The following TSC2 variants were observed in gnomAD, a reference collection of about 807,000 sequenced individuals.
TSC2 encodes tuberin.
TSC2 carries 29 observed loss-of-function variants against 202.2 expected under a neutral mutation model. The observed-to-expected ratio is 0.14, with a 90% confidence interval of 0.11 to 0.20. TSC2 has a LOEUF of 0.20. TSC2 is among the 10% of genes least tolerant of loss of function. The probability of loss-of-function intolerance (pLI) is 1.00; values close to 1 mark genes in which losing one functional copy is unlikely to be tolerated. For synonymous variants in TSC2, 1,349 were observed against 1,044.0 expected, an observed-to-expected ratio of 1.29 and a Z score of -5.63; for missense variants, 2,429 against 2,420.0, an observed-to-expected ratio of 1.00 and a Z score of -0.08.
rs565375272 is a variant in TSC2, at chr16:2,065,561, A to C, written c.1642A>C (p.Arg548=). The C allele has an allele frequency of 1.7e-5, 28 of 1,613,796 alleles. No homozygotes were observed. The East Asian group carries it at 2.0e-4, about 12-fold the overall frequency. The stretch of plus-strand genomic sequence containing the variant: ...CTCCCCACCCCCGGAGCTGGAAGAA[A>C]GGGATGTGGCCGCATACTCGGCCTC... ...SLSPPPELEE[R]DVAAYSASLE... Residue 548 remains arginine, a synonymous_variant, in exon 16 of 42, where the codon AGG becomes CGG. Transcript: ENST00000219476.
intron 32 of TSC2, chr16:2,083,032 G>C: frequency 2.2e-6 from 1 of 446,018 alleles, no homozygotes; most frequent in Non-Finnish European, 4.5e-6. Flanking sequence ...AGGTCTCCAC[G>C]TGCAGACGAG....
chr16:2,055,367 GGCGTCCTC>G, intron 5 of TSC2, 27 bp from the exon 6 acceptor site: 1 of 1,561,172 alleles, frequency 6.4e-7, no homozygotes, highest in Non-Finnish European at 8.8e-7. Context: ...ATGTAGATTC[GGCGTCCTC>G]GCAAACTGCC....
At chr16:2,048,181 C>G in intron 1 of TSC2, 116 bp downstream of exon 1, 1 of 1,537,962 alleles carries the variant, frequency 6.5e-7, no homozygotes, top group East Asian at 2.5e-5. Context: ...CAACCCGACT[C>G]CGGAGCTCCG....
At chr16:2,060,915 C>A (rs2086562058) in intron 11 of TSC2, 102 bp downstream of exon 11, 17 of 1,395,392 alleles carry the variant, frequency 1.2e-5, no homozygotes, top group Non-Finnish European at 1.7e-5. Flanking sequence ...GGGGGTCCCG[C>A]AGAGACTGCC....
At chr16:2,078,584 C>T (rs1363270050) in intron 26 of TSC2, 1 of 281,568 alleles carries the variant, frequency 3.6e-6, no homozygotes, top group Non-Finnish European at 6.9e-6. Context: ...GTGTGGAGCT[C>T]AGGCAGCCGC....
rs779923426 is a variant in TSC2, at chr16:2,087,934, C to T, written c.5061C>T (p.Cys1687=). ...AGTGCAACCTGGTGTCCCTGCAGTG[C>T]AGGAAAGGTAGGGCCGGGTGGGGCC... The part of the protein sequence containing the change: ...DYECNLVSLQ[C]RKDMEGLVDT... Residue 1687 remains cysteine, a synonymous_variant, in exon 39 of 42, where the codon TGC becomes TGT. Coordinates refer to ENST00000219476, the MANE Select transcript of TSC2 (RefSeq NM_000548.5). 11 of 1,604,986 alleles carry T rather than the reference C, an allele frequency of 6.9e-6. No individual in the cohort carries two copies. Among genetic ancestry groups the T allele is most frequent in the African/African-American group, 1.3e-5 (1 of 74,552 alleles).
chr16:2,082,409 G>A lies in TSC2; in HGVS notation c.3815-27G>A, dbSNP rs137854008. ...GTGTGTAGCCCCTCCTCCTGCTGAC[G>A]TGGCCGCACACGGCCTTCCCTTGCA... On this transcript the variant is annotated intron_variant, in intron 31 of 41. Coordinates refer to ENST00000219476, the MANE Select transcript of TSC2 (RefSeq NM_000548.5). 2.4e-5 allele frequency: 38 copies of A among 1,611,782 alleles called. No homozygotes were observed. The African/African-American group carries it at 2.8e-4, about 12-fold the overall frequency.
intron 3 of TSC2, 96 bp downstream of exon 3, chr16:2,050,582 G>A (rs2084980061): frequency 1.7e-5 from 16 of 923,410 alleles, no homozygotes; most frequent in South Asian, 1.1e-4. Context: ...GCTGACTGCC[G>A]ATGATCTGGT....
At chr16:2,067,462 G>A (rs1032675576) in intron 16 of TSC2, among the ~76,000 whole-genome samples, 26 of 150,780 alleles carry the variant, frequency 1.7e-4, no homozygotes, top group African/African-American at 5.8e-4. Context: ...ACACCTGGCC[G>A]TGGTGTTTGA....
intron 38 of TSC2, chr16:2,087,282 T>C: frequency 8.5e-6 from 3 of 352,426 alleles, no homozygotes; most frequent in Non-Finnish European, 1.7e-5. Context: ...GGTCGGCCAG[T>C]GTCACAGCAC....
chr16:2,080,181 A>C lies in TSC2; in HGVS notation c.3414A>C (p.Arg1138=). Residue 1138 remains arginine, a synonymous_variant, in exon 30 of 42, where the codon CGA becomes CGC. Transcript: ENST00000219476. ...CTTCTTCAGGGGGCCATGGTCTTCG[A>C]GTTGGCGCCCTGGACGTGCCGGCCT... ...VRSMSGGHGL[R]VGALDVPASQ... is the part of the protein sequence containing the mutation. 1 of 1,612,924 alleles carries C rather than the reference A, an allele frequency of 6.2e-7. No individual in the cohort carries two copies.
chr16:2,054,995 G>C, intron 5 of TSC2: 2 of 350,894 alleles, frequency 5.7e-6, no homozygotes, highest in East Asian at 7.1e-5. Flanking sequence ...CCTACCGTCA[G>C]GTTTCCTGTC....
In TSC2 at chr16:2,059,581, G is replaced by A. The variant is rs544582956; in HGVS notation, c.975+708G>A. Among the ~76,000 whole-genome samples, 33 of 146,348 alleles carry A rather than the reference G, an allele frequency of 2.3e-4. No individual in the cohort carries two copies. In the South Asian group the frequency reaches 2.8e-3, roughly 13 times the overall value. ...ATTGCCCAGGCTGGAGTGCAATGGC[G>A]CGATCTTGGCTCAGCGCAACCTCCG... On this transcript the variant is annotated intron_variant, in intron 10 of 41. Transcript: ENST00000219476.
At chr16:2,062,139 CT>C in intron 12 of TSC2, 131 bp downstream of exon 12, 2 of 1,351,746 alleles carry the variant, frequency 1.5e-6, no homozygotes, top group Non-Finnish European at 2.1e-6. Context: ...GGTTTCTGCA[CT>C]CGGCAGGGAA....
intron 32 of TSC2, chr16:2,082,719 C>G (rs2090292986): frequency 1.6e-6 from 1 of 635,560 alleles, no homozygotes; most frequent in East Asian, 2.8e-5. Context: ...AGCCCTGTTC[C>G]CACGCTGTGC....
intron 2 of TSC2, 29 bp from the exon 3 acceptor site, chr16:2,050,371 C>T (rs2084948935): frequency 6.2e-7 from 1 of 1,608,332 alleles, no homozygotes; most frequent in Admixed American, 1.7e-5. Flanking sequence ...TGAGCACTGG[C>T]CCCTTTTTCT....
chr16:2,066,986 AG>A (rs1320924848), intron 16 of TSC2, among the ~76,000 whole-genome samples: 2 of 151,938 alleles, frequency 1.3e-5, no homozygotes, highest in Non-Finnish European at 2.9e-5. Context: ...AAAGCCTCAC[AG>A]CATCACTTAC....
chr16:2,077,744 T>G lies in TSC2; in HGVS notation c.2966+18T>G. On this transcript the variant is annotated intron_variant, in intron 26 of 41. Coordinates refer to ENST00000219476, the MANE Select transcript of TSC2 (RefSeq NM_000548.5). ...GTCCGCAGGTAGCGGGACTGTCGGG[T>G]GGGGGGCACGGACCCTGGAGCTTGG... 3.7e-6 allele frequency: 6 copies of G among 1,610,888 alleles called. No homozygotes were observed. The highest frequency in any genetic ancestry group is 2.2e-5 in the East Asian group (1 of 44,858).
At chr16:2,076,405 C>T in intron 24 of TSC2, 86 bp from the exon 25 acceptor site, 1 of 1,596,490 alleles carries the variant, frequency 6.3e-7, no homozygotes. Context: ...CAGCTTGTCC[C>T]TGGCCAGGGG....
Sources: allele counts gnomAD v4.1 joint callset (sites outside exome capture counted in the v4.1 genomes callset), GRCh38; gene constraint gnomAD v4.1.1; transcripts MANE v1.5; gene names NCBI Gene and HGNC (gene_info 2026-07-23, HGNC 2026-07-21).